Variants in ATG5 observed in about 807,000 individuals in gnomAD.
ATG5 encodes autophagy related 5.
A neutral mutation model predicts 36.5 loss-of-function variants in ATG5; 14 were observed. The observed-to-expected ratio is 0.38, with a 90% CI of 0.25 to 0.60. The LOEUF is 0.60. Ranked by LOEUF, ATG5 falls within the 20% of genes least tolerant of loss-of-function variation. ATG5 has a pLI of 0.60. For synonymous variants in ATG5, 95 were observed against 101.5 expected (o/e 0.94, Z 0.38); for missense variants, 195 against 326.7 (o/e 0.60, Z 3.11).
chr6:106,288,985 T>C (rs145028559), intron 4 of ATG5, among the ~76,000 whole-genome samples: 2 of 152,164 alleles, frequency 1.3e-5, no homozygotes, highest in East Asian at 1.9e-4. Flanking sequence ...AGCTTTGATA[T>C]TGCACAAAAA....
chr6:106,221,557 G>A (rs1777248595), intron 6 of ATG5, among the ~76,000 whole-genome samples: 1 of 151,822 alleles, frequency 6.6e-6, no homozygotes, highest in African/African-American at 2.4e-5. Flanking sequence ...CTGGTGGTGT[G>A]CGCCTGTAGT....
At chr6:106,253,107 A>G (rs2114528811) in intron 5 of ATG5, among the ~76,000 whole-genome samples, 1 of 152,364 alleles carries the variant, frequency 6.6e-6, no homozygotes, top group South Asian at 2.1e-4. Context: ...TTCATACGTA[A>G]TATGTTAAAC....
intron 6 of ATG5, among the ~76,000 whole-genome samples, chr6:106,239,753 G>A (rs188102328): frequency 1.3e-4 from 20 of 152,298 alleles, no homozygotes; most frequent in Admixed American, 1.3e-3. Flanking sequence ...GCCAAATTGT[G>A]GCCTCTGCCT....
chr6:106,200,678 C>T (rs1340843826), intron 7 of ATG5, among the ~76,000 whole-genome samples: 1 of 152,106 alleles, frequency 6.6e-6, no homozygotes, highest in Non-Finnish European at 1.5e-5. Flanking sequence ...GACAGGGTTT[C>T]ACCATGTTAG....
chr6:106,190,381 C>T (rs1582525255), intron 7 of ATG5, among the ~76,000 whole-genome samples: 3 of 152,070 alleles, frequency 2.0e-5, no homozygotes, highest in African/African-American at 7.2e-5. Context: ...AGGGCAGAGC[C>T]CTCATGACTT....
At chr6:106,192,861 A>G (rs1473586356) in intron 7 of ATG5, among the ~76,000 whole-genome samples, 1 of 152,208 alleles carries the variant, frequency 6.6e-6, no homozygotes, top group Non-Finnish European at 1.5e-5. Context: ...TTAACCTCTG[A>G]TATGTTCATT....
At chr6:106,193,708 CT>C (rs1486311439) in intron 7 of ATG5, among the ~76,000 whole-genome samples, 1 of 152,054 alleles carries the variant, frequency 6.6e-6, no homozygotes, top group Non-Finnish European at 1.5e-5. Context: ...CCCAGTAATT[CT>C]AGTTGGGTGT....
chr6:106,260,333 T>C (rs1201329607), intron 5 of ATG5, among the ~76,000 whole-genome samples: 1 of 152,206 alleles, frequency 6.6e-6, no homozygotes, highest in Non-Finnish European at 1.5e-5. Context: ...TAACTACAAT[T>C]AGAATTATGA....
At chr6:106,262,972 G>A (rs180860715) in intron 5 of ATG5, among the ~76,000 whole-genome samples, 144 of 152,208 alleles carry the variant, frequency 9.5e-4, no homozygotes, top group African/African-American at 3.2e-3. Flanking sequence ...CTTCAGTGGC[G>A]CCTGGAACCC....
At chr6:106,260,632 C>T (rs1157385840) in intron 5 of ATG5, among the ~76,000 whole-genome samples, 1 of 152,078 alleles carries the variant, frequency 6.6e-6, no homozygotes, top group Non-Finnish European at 1.5e-5. Flanking sequence ...TCTCTGAATG[C>T]TAATTAAAAT....
chr6:106,194,517 T>C (rs186978490), intron 7 of ATG5, among the ~76,000 whole-genome samples: 16 of 151,842 alleles, frequency 1.1e-4, no homozygotes, highest in Non-Finnish European at 1.9e-4. Context: ...AATGTGAATA[T>C]ACCATTTTTT....
chr6:106,234,631 C>A (rs1299722408), intron 6 of ATG5, among the ~76,000 whole-genome samples: 1 of 152,150 alleles, frequency 6.6e-6, no homozygotes, highest in Non-Finnish European at 1.5e-5. Flanking sequence ...AATCTATGTG[C>A]TTCCTCTCAT....
chr6:106,215,502 T>C (rs1777000775), intron 6 of ATG5, among the ~76,000 whole-genome samples: 1 of 152,178 alleles, frequency 6.6e-6, no homozygotes, highest in African/African-American at 2.4e-5. Flanking sequence ...ATAAAAATTC[T>C]TTTGAAATTT....
intron 5 of ATG5, among the ~76,000 whole-genome samples, chr6:106,250,663 AT>A (rs2114520674): frequency 6.6e-6 from 1 of 152,376 alleles, no homozygotes; most frequent in South Asian, 2.1e-4. Flanking sequence ...ATGATTCTTC[AT>A]GCATACTTAA....
chr6:106,321,872 TAC>T (rs983753356), intron 1 of ATG5, among the ~76,000 whole-genome samples: 2 of 152,194 alleles, frequency 1.3e-5, no homozygotes, highest in African/African-American at 2.4e-5. Context: ...CCAATATTAG[TAC>T]AGTTAGCACA....
intron 6 of ATG5, among the ~76,000 whole-genome samples, chr6:106,234,905 T>C (rs553892800): frequency 3.3e-5 from 5 of 152,324 alleles, no homozygotes; most frequent in African/African-American, 1.2e-4. Flanking sequence ...TCAGTAGTCC[T>C]TCAAAATTGA....
At chr6:106,207,984 C>A (rs936030190) in intron 6 of ATG5, among the ~76,000 whole-genome samples, 2 of 152,058 alleles carry the variant, frequency 1.3e-5, no homozygotes, top group Non-Finnish European at 1.5e-5. Flanking sequence ...CCCAGCTACT[C>A]GGGAGGCTGA....
chr6:106,306,924 G>A (rs1003639111), intron 3 of ATG5, among the ~76,000 whole-genome samples: 3 of 152,160 alleles, frequency 2.0e-5, no homozygotes, highest in African/African-American at 4.8e-5. Context: ...AAGAATCAGA[G>A]GAGTCTGATA....
At chr6:106,234,599 C>G (rs1334599386) in intron 6 of ATG5, among the ~76,000 whole-genome samples, 2 of 151,266 alleles carry the variant, frequency 1.3e-5, no homozygotes, top group Non-Finnish European at 2.9e-5. Context: ...CTTAGCCTAT[C>G]GTTGTTTGAA....
Sources: allele counts gnomAD v4.1 joint callset (sites outside exome capture counted in the v4.1 genomes callset), GRCh38; gene constraint gnomAD v4.1.1; transcripts MANE v1.5; gene names NCBI Gene and HGNC (gene_info 2026-07-23, HGNC 2026-07-21).